The following FAM91A1 variants were observed in gnomAD, a reference collection of about 807,000 sequenced individuals.
The protein encoded by FAM91A1 is family with sequence similarity 91 member A1, also known as protein FAM91A1.
FAM91A1 carries 41 observed loss-of-function variants against 113.5 expected under a neutral mutation model. The ratio of observed to expected loss-of-function variants is 0.36; its 90% CI spans 0.28 to 0.47. The LOEUF (loss-of-function observed/expected upper bound fraction) is 0.47. FAM91A1 is among the 20% of genes least tolerant of loss of function. FAM91A1 has a pLI of 1.00. For missense variants in FAM91A1, 696 were observed against 1,001.2 expected (o/e 0.70, Z 4.11); for synonymous variants, 307 against 347.9 (o/e 0.88, Z 1.31).
intron 3 of FAM91A1, 33 bp from the exon 4 acceptor site, chr8:123,777,232 G>T (rs1003873876): frequency 1.1e-4 from 150 of 1,381,482 alleles, no homozygotes; most frequent in Non-Finnish European, 1.5e-4. Flanking sequence ...GGACATTTTA[G>T]ATTTCAAATT....
In FAM91A1 at chr8:123,778,601, T is replaced by C. The variant is rs887184447; in HGVS notation, c.436-58T>C. ...AGAAACAATCTTATGATATGATTGA[T>C]GAAAGAAGAAAGTGGTAGTTTTAGA... On this transcript the variant is annotated intron_variant, in intron 5 of 23. Coordinates refer to ENST00000334705, the MANE Select transcript of FAM91A1 (RefSeq NM_144963.4). 11 of 1,159,350 alleles carry C rather than the reference T, an allele frequency of 9.5e-6. No individual in the cohort carries two copies. The African/African-American group carries it at 1.1e-4, about 11-fold the overall frequency. The allele number at this position is 1,159,350 out of a possible 1,614,324, so 71.8% of individuals were successfully genotyped here.
intron 11 of FAM91A1, chr8:123,786,062 AC>A: frequency 2.7e-6 from 1 of 364,454 alleles, no homozygotes; most frequent in South Asian, 2.3e-5. Flanking sequence ...CAACTGATCC[AC>A]CCACCTTGGC....
At chr8:123,781,750 G>A (rs1241287142) in intron 8 of FAM91A1, among the ~76,000 whole-genome samples, 1 of 152,162 alleles carries the variant, frequency 6.6e-6, no homozygotes, top group Non-Finnish European at 1.5e-5. Flanking sequence ...CTCCCAAAGT[G>A]CTGGGATTAC....
intron 18 of FAM91A1, among the ~76,000 whole-genome samples, chr8:123,804,555 A>G (rs1368178916): frequency 6.7e-6 from 1 of 149,042 alleles, no homozygotes; most frequent in Non-Finnish European, 1.5e-5. Context: ...CTCCCCTGCT[A>G]ACCCTATCAA....
At position 123,805,795 on chromosome 8, in the gene FAM91A1, A is replaced by G. The variant is rs74964651; in HGVS notation, c.1883-285A>G. On this transcript the variant is annotated intron_variant, in intron 19 of 23. Coordinates refer to ENST00000334705, the MANE Select transcript of FAM91A1 (RefSeq NM_144963.4). Reference sequence around the variant, plus strand: ...GGGATTATTGTGTGAATTATAAAAAAGAGGTTTCTTTATATTTGAATATAG... The same window carrying G: ...GGGATTATTGTGTGAATTATAAAAAGGAGGTTTCTTTATATTTGAATATAG... 7.3e-3 allele frequency among the ~76,000 whole-genome samples: 1,106 copies of G among 152,370 alleles called. 19 individuals carry two copies. Among genetic ancestry groups the G allele is most frequent in the African/African-American group, 0.024 (998 of 41,588 alleles).
intron 22 of FAM91A1, 53 bp from the exon 23 acceptor site, chr8:123,810,229 C>A (rs1815917847): frequency 6.5e-7 from 1 of 1,538,412 alleles, no homozygotes; most frequent in Non-Finnish European, 8.8e-7. Flanking sequence ...ATGAGAAACT[C>A]ATTCTTGCCT....
intron 15 of FAM91A1, among the ~76,000 whole-genome samples, chr8:123,796,958 G>A (rs1318216311): frequency 2.0e-5 from 3 of 151,808 alleles, no homozygotes; most frequent in Non-Finnish European, 4.4e-5. Context: ...CAGCTTGGGA[G>A]GCTGAGGCAG....
At chr8:123,797,945 A>T in intron 15 of FAM91A1, 145 bp from the exon 16 acceptor site, 1 of 885,216 alleles carries the variant, frequency 1.1e-6, no homozygotes, top group Non-Finnish European at 1.7e-6. Flanking sequence ...GTGGTCTCCT[A>T]GGAAATTTGG....
At chr8:123,798,372 A>AGAT in intron 16 of FAM91A1, 134 bp downstream of exon 16, 1 of 981,030 alleles carries the variant, frequency 1.0e-6, no homozygotes. Flanking sequence ...TGCCTTTGTA[A>AGAT]GATGATATGT....
chr8:123,808,735 C>A (rs1815875212), intron 21 of FAM91A1, 158 bp from the exon 22 acceptor site: 1 of 632,798 alleles, frequency 1.6e-6, no homozygotes, highest in African/African-American at 1.8e-5. Flanking sequence ...TAACTGACCC[C>A]CTTCAATTTC....
chr8:123,783,621 G>A (rs17259704), intron 8 of FAM91A1, among the ~76,000 whole-genome samples: 7,328 of 152,168 alleles, frequency 0.048, 244 homozygotes, highest in Middle Eastern at 0.075. Flanking sequence ...TAGGGCCAGG[G>A]GACATAAAGA....
At chr8:123,779,889 C>A in intron 6 of FAM91A1, 96 bp from the exon 7 acceptor site, 1 of 946,674 alleles carries the variant, frequency 1.1e-6, no homozygotes. Context: ...GAGCTAATGA[C>A]ATGTAATCAC....
At position 123,808,286 on chromosome 8, in the gene FAM91A1, G is replaced by T. The variant is rs1455222892; in HGVS notation, c.2047G>T (p.Ala683Ser). 4.3e-6 allele frequency: 7 copies of T among 1,612,260 alleles called. No individual in the cohort carries two copies. Among genetic ancestry groups the T allele is most frequent in the Non-Finnish European group, 5.9e-6 (7 of 1,179,442 alleles). Residue 683 changes from alanine (A) to serine (S), a missense_variant, in exon 21 of 24, where the codon GCT becomes TCT. Ala to Ser is a moderately conservative substitution (Grantham distance 99). Transcript: ENST00000334705. ...TTAATTATAAGGAGAACCTGATTTG[G>T]CTTCTGGCTCAGATGTAAATGGGAG... is the stretch of plus-strand genomic sequence containing the variant. ...ASDERGEPDL[A>S]SGSDVNGSTE...
intron 8 of FAM91A1, among the ~76,000 whole-genome samples, chr8:123,781,256 A>T (rs1225166572): frequency 6.6e-6 from 1 of 152,178 alleles, no homozygotes; most frequent in East Asian, 1.9e-4. Flanking sequence ...TTATACTTAG[A>T]TATTGAATAT....
chr8:123,769,545 A>G (rs1259570944), intron 1 of FAM91A1, among the ~76,000 whole-genome samples: 1 of 152,220 alleles, frequency 6.6e-6, no homozygotes, highest in Non-Finnish European at 1.5e-5. Context: ...CAAGAGTGAC[A>G]TGAGGTTTTT....
chr8:123,805,380 A>G (rs1319581989), intron 19 of FAM91A1, 41 bp downstream of exon 19: 5 of 1,276,624 alleles, frequency 3.9e-6, no homozygotes, highest in African/African-American at 1.5e-5. Flanking sequence ...TTTTTTTTTT[A>G]ATTATTACTC....
chr8:123,811,017 T>C (rs1371851630), intron 23 of FAM91A1: 1 of 152,302 alleles, frequency 6.6e-6, no homozygotes, highest in Admixed American at 6.5e-5. Flanking sequence ...TCTAAAAGAT[T>C]TTAAAAAGTA....
intron 16 of FAM91A1, 41 bp from the exon 17 acceptor site, chr8:123,799,479 C>G (rs776137368): frequency 1.3e-6 from 2 of 1,588,126 alleles, no homozygotes; most frequent in South Asian, 2.3e-5. Flanking sequence ...ACTTATGTAA[C>G]ACTTTATTTT....
intron 12 of FAM91A1, among the ~76,000 whole-genome samples, 165 bp from the exon 13 acceptor site, chr8:123,787,096 G>A (rs1455362178): frequency 1.3e-5 from 2 of 152,246 alleles, no homozygotes; most frequent in East Asian, 1.9e-4. Context: ...TATTCTTTGC[G>A]CTTCAAAATA....
Sources: allele counts gnomAD v4.1 joint callset (sites outside exome capture counted in the v4.1 genomes callset), GRCh38; gene constraint gnomAD v4.1.1; transcripts MANE v1.5; gene names NCBI Gene and HGNC (gene_info 2026-07-23, HGNC 2026-07-21).